Variants in XYLT1 observed in about 807,000 individuals in gnomAD.
XYLT1 encodes beta-D-xylosyltransferase 1.
A neutral mutation model predicts 91.3 loss-of-function variants in XYLT1; 36 were observed. That is an observed-to-expected ratio of 0.39 (90% CI 0.30 to 0.52). XYLT1 has a LOEUF of 0.52. Among genes scored for constraint, XYLT1 ranks in the 20% least tolerant of loss-of-function variants. The pLI, the probability that XYLT1 is intolerant of heterozygous loss-of-function variation, is 0.68. For missense variants in XYLT1, 1,242 were observed against 1,284.5 expected (o/e 0.97, Z 0.51); for synonymous variants, 588 against 532.0 (o/e 1.11, Z -1.45).
At chr16:17,394,962 C>T (rs1403451023) in intron 1 of XYLT1, among the ~76,000 whole-genome samples, 2 of 152,110 alleles carry the variant, frequency 1.3e-5, no homozygotes, top group African/African-American at 4.8e-5. Context: ...CCCATCCCCC[C>T]TGTATTAGTC....
At chr16:17,413,305 C>T (rs889925907) in intron 1 of XYLT1, among the ~76,000 whole-genome samples, 9 of 152,204 alleles carry the variant, frequency 5.9e-5, no homozygotes, top group Non-Finnish European at 1.2e-4. Context: ...GGACTCTAAG[C>T]AGTCATGCTG....
intron 2 of XYLT1, among the ~76,000 whole-genome samples, chr16:17,324,851 G>A (rs1411212045): frequency 2.6e-5 from 4 of 151,856 alleles, no homozygotes; most frequent in Admixed American, 6.6e-5. Flanking sequence ...TGATTTCACC[G>A]ATCTTTCTTC....
At chr16:17,451,996 C>G (rs57570588) in intron 1 of XYLT1, among the ~76,000 whole-genome samples, 26,931 of 152,088 alleles carry the variant, frequency 0.18, 3,055 homozygotes, top group African/African-American at 0.31. Flanking sequence ...TGTGGGCAGG[C>G]TAAGTGATAA....
At chr16:17,439,140 T>C (rs1290598199) in intron 1 of XYLT1, among the ~76,000 whole-genome samples, 1 of 152,188 alleles carries the variant, frequency 6.6e-6, no homozygotes. Context: ...GGCTAAAAGT[T>C]AGTGAAGCAA....
chr16:17,173,063 C>A (rs563250175), intron 5 of XYLT1, among the ~76,000 whole-genome samples: 4 of 149,762 alleles, frequency 2.7e-5, no homozygotes, highest in South Asian at 2.1e-4. Context: ...ACAAAAAAAA[C>A]CAAATTAGTA....
At chr16:17,283,632 C>T (rs1210080252) in intron 2 of XYLT1, among the ~76,000 whole-genome samples, 4 of 152,164 alleles carry the variant, frequency 2.6e-5, no homozygotes, top group Non-Finnish European at 5.9e-5. Flanking sequence ...CAATGAAAGA[C>T]CCAATTTGAA....
chr16:17,279,080 C>G (rs2034019399), intron 2 of XYLT1, among the ~76,000 whole-genome samples: 1 of 152,210 alleles, frequency 6.6e-6, no homozygotes, highest in South Asian at 2.1e-4. Context: ...CCCTAATGCA[C>G]CTTTCAGCGT....
intron 2 of XYLT1, among the ~76,000 whole-genome samples, chr16:17,276,688 T>C (rs952599792): frequency 1.3e-5 from 2 of 152,162 alleles, no homozygotes; most frequent in African/African-American, 2.4e-5. Context: ...ATGGAAATCA[T>C]GGTGATCATG....
intron 2 of XYLT1, among the ~76,000 whole-genome samples, chr16:17,348,059 A>G (rs2035169623): frequency 6.6e-6 from 1 of 152,116 alleles, no homozygotes; most frequent in African/African-American, 2.4e-5. Context: ...CTACTTGGCC[A>G]AAGCAAAGAA....
intron 2 of XYLT1, among the ~76,000 whole-genome samples, chr16:17,260,702 T>C (rs1222579138): frequency 2.0e-5 from 3 of 152,248 alleles, no homozygotes; most frequent in Non-Finnish European, 2.9e-5. Flanking sequence ...AACACAGCCA[T>C]ACCTGTCCAT....
At chr16:17,109,491 G>T (rs537708388) in intron 11 of XYLT1, among the ~76,000 whole-genome samples, 17 of 152,120 alleles carry the variant, frequency 1.1e-4, no homozygotes, top group Non-Finnish European at 2.4e-4. Context: ...CAACAACAAA[G>T]AAATAAGTAG....
intron 3 of XYLT1, among the ~76,000 whole-genome samples, chr16:17,232,446 T>C (rs933896170): frequency 8.5e-4 from 108 of 126,782 alleles, no homozygotes; most frequent in African/African-American, 1.7e-3. Context: ...TATATATATA[T>C]ATACATATAT....
At chr16:17,317,840 T>C (rs1211839313) in intron 2 of XYLT1, among the ~76,000 whole-genome samples, 1 of 152,108 alleles carries the variant, frequency 6.6e-6, no homozygotes. Flanking sequence ...TCAATATGTT[T>C]CAGCCACCAC....
At chr16:17,407,571 G>A (rs935181532) in intron 1 of XYLT1, among the ~76,000 whole-genome samples, 1 of 152,158 alleles carries the variant, frequency 6.6e-6, no homozygotes, top group Non-Finnish European at 1.5e-5. Context: ...GGGATTATAG[G>A]CATGAGACAG....
intron 2 of XYLT1, among the ~76,000 whole-genome samples, chr16:17,273,018 C>T (rs1596460087): frequency 1.3e-5 from 2 of 152,158 alleles, no homozygotes; most frequent in East Asian, 1.9e-4. Flanking sequence ...CCCAGCAGGA[C>T]AGGGGAACAC....
chr16:17,122,871 G>T (rs12933220), intron 10 of XYLT1, among the ~76,000 whole-genome samples: 97,916 of 151,914 alleles, frequency 0.64, 32,549 homozygotes, highest in Non-Finnish European at 0.71. Flanking sequence ...TTTGTGTGCC[G>T]TGTTGAAGAT....
chr16:17,431,904 G>A (rs1181493000), intron 1 of XYLT1, among the ~76,000 whole-genome samples: 2 of 152,230 alleles, frequency 1.3e-5, no homozygotes, highest in Non-Finnish European at 2.9e-5. Context: ...GGATCCTTCT[G>A]GGGTCTGGAA....
At chr16:17,251,986 G>A (rs1387463622) in intron 3 of XYLT1, among the ~76,000 whole-genome samples, 1 of 152,144 alleles carries the variant, frequency 6.6e-6, no homozygotes, top group East Asian at 1.9e-4. Context: ...CTGAAGAGCA[G>A]ACCCAGCAAG....
intron 1 of XYLT1, among the ~76,000 whole-genome samples, chr16:17,425,828 T>C (rs1596539596): frequency 6.6e-6 from 1 of 152,042 alleles, no homozygotes; most frequent in Admixed American, 6.6e-5. Flanking sequence ...CTTAAATACA[T>C]CCTTCAAACT....
Sources: gnomAD v4.1 joint callset for allele counts (sites outside exome capture counted in the v4.1 genomes callset) on GRCh38, gnomAD v4.1.1 for gene constraint, MANE v1.5 for transcripts, NCBI Gene and HGNC (gene_info 2026-07-23, HGNC 2026-07-21) for gene names.